The following DOCK9 variants were observed in gnomAD, a reference collection of about 807,000 sequenced individuals.
DOCK9 encodes the protein dedicator of cytokinesis 9.
In DOCK9, 89 loss-of-function variants were observed where a neutral mutation model predicts 263.3. That is an observed-to-expected ratio of 0.34 (90% CI 0.28 to 0.40). The LOEUF (loss-of-function observed/expected upper bound fraction) is 0.40. Among genes scored for constraint, DOCK9 ranks in the 10% least tolerant of loss-of-function variants. The probability of loss-of-function intolerance (pLI) is 1.00; values close to 1 mark genes in which losing one functional copy is unlikely to be tolerated. For synonymous variants in DOCK9, 976 were observed against 973.1 expected (o/e 1.00, Z -0.06); for missense variants, 2,140 against 2,603.4 (o/e 0.82, Z 3.87).
rs542623133 is a variant in DOCK9, at chr13:99,045,049, C to T, written c.129+41174G>A. Among the ~76,000 whole-genome samples, 4 of 152,328 alleles carry T rather than the reference C, an allele frequency of 2.6e-5. No homozygotes were observed. In the East Asian group the frequency reaches 7.7e-4, roughly 29 times the overall value. ...GTGGTGGAAAGGGAATCCCTGCATG[C>T]TGTTTGTGGGACTGTAAATTAGTGA... On this transcript the variant is annotated intron_variant, in intron 1 of 32. Coordinates refer to the DOCK9 transcript ENST00000427887.
intron 9 of DOCK9, among the ~76,000 whole-genome samples, chr13:98,905,621 G>A (rs142230130): frequency 6.6e-6 from 1 of 152,162 alleles, no homozygotes; most frequent in Non-Finnish European, 1.5e-5. Context: ...AATGAGTCTG[G>A]GATTTGAATG....
In DOCK9 at chr13:98,888,390, C is replaced by T. The variant is rs2046124797; in HGVS notation, c.1947G>A (p.Leu649=). ...CAAAAGACTTCTGACTGTCGTATTT[C>T]AAGTACTTAGGATAAACGTAAAGGT... The part of the protein sequence containing the change: ...TNHLYVYPKY[L]KYDSQKSFAK... Residue 649 remains leucine, a synonymous_variant, in exon 17 of 53, where the codon TTG becomes TTA. Coordinates refer to ENST00000682017, the MANE Select transcript of DOCK9 (RefSeq NM_001366683.2). 1.2e-6 allele frequency: 2 copies of T among 1,613,768 alleles called. No individual in the cohort carries two copies.
At chr13:98,991,507 A>G (rs1260418631) in intron 1 of DOCK9, among the ~76,000 whole-genome samples, 1 of 152,198 alleles carries the variant, frequency 6.6e-6, no homozygotes, top group Non-Finnish European at 1.5e-5. Context: ...TGGGTTTCAA[A>G]GACTCTGTGT....
chr13:99,013,785 A>C (rs1884936698), intron 1 of DOCK9, among the ~76,000 whole-genome samples: 1 of 152,196 alleles, frequency 6.6e-6, no homozygotes, highest in African/African-American at 2.4e-5. Flanking sequence ...AGGCTGCTGT[A>C]AAGATTCTGC....
chr13:99,015,134 A>G (rs751439704), intron 1 of DOCK9, among the ~76,000 whole-genome samples: 10 of 152,202 alleles, frequency 6.6e-5, no homozygotes, highest in Non-Finnish European at 1.3e-4. Context: ...TACCCTAAAT[A>G]TACACTTTAC....
chr13:98,899,370 C>T (rs1422878148), intron 13 of DOCK9, among the ~76,000 whole-genome samples: 1 of 152,204 alleles, frequency 6.6e-6, no homozygotes, highest in Non-Finnish European at 1.5e-5. Context: ...CTCTGAGCTC[C>T]ACTATCCACA....
intron 1 of DOCK9, among the ~76,000 whole-genome samples, chr13:99,007,244 TG>T (rs1235673697): frequency 6.6e-6 from 1 of 150,450 alleles, no homozygotes; most frequent in African/African-American, 2.5e-5. Flanking sequence ...AAAAATTAGC[TG>T]GGTGTGGTGG....
At chr13:99,066,553 T>A (rs2041427197) in intron 1 of DOCK9, among the ~76,000 whole-genome samples, 1 of 152,200 alleles carries the variant, frequency 6.6e-6, no homozygotes, top group African/African-American at 2.4e-5. Context: ...CTATATTATT[T>A]AACAAGCTTA....
rs780710684 is a variant in DOCK9, at chr13:98,793,432, T to C, written c.*1194A>G. 3.9e-5 allele frequency: 6 copies of C among 152,362 alleles called. No individual in the cohort carries two copies. Among genetic ancestry groups the C allele is most frequent in the Non-Finnish European group, 5.9e-5 (4 of 68,042 alleles). 9.4% of individuals were successfully genotyped at this position (152,362 alleles called of 1,614,324 possible). A position where few individuals can be genotyped will look rare whatever the true frequency, so the allele number is the denominator to read the frequency against. ...CCCGTGTGATTTCACTCTGAGGATTTTGGTATCCTGTTCCCTTAGGACTGC... is the reference window on the plus strand; with the variant it reads ...CCCGTGTGATTTCACTCTGAGGATTCTGGTATCCTGTTCCCTTAGGACTGC... On this transcript the variant is annotated 3_prime_UTR_variant, in exon 53 of 53. Coordinates refer to ENST00000682017, the MANE Select transcript of DOCK9 (RefSeq NM_001366683.2).
intron 1 of DOCK9, among the ~76,000 whole-genome samples, chr13:99,036,050 C>T (rs567802008): frequency 7.9e-5 from 12 of 152,298 alleles, no homozygotes; most frequent in African/African-American, 2.6e-4. Context: ...CCTGCCTACC[C>T]TAGCCTCGCA....
chr13:98,807,338 C>T (rs1453359809), intron 48 of DOCK9, among the ~76,000 whole-genome samples: 1 of 152,194 alleles, frequency 6.6e-6, no homozygotes, highest in Non-Finnish European at 1.5e-5. Context: ...GTGCTACATG[C>T]AGGAAGAGGT....
Position 98,829,217 on chromosome 13 carries a change from G to T in DOCK9, c.4965+90C>A. On this transcript the variant is annotated intron_variant, in intron 43 of 52. Coordinates refer to ENST00000682017, the MANE Select transcript of DOCK9 (RefSeq NM_001366683.2). This position sits in a 1 kb window ranked among gnomAD's most constrained non-coding sequence, Gnocchi z 4.1. ...ACTTTTAATTGGTTTTTGATTAATGGAATAACTTTTCTCAAAACTGGCTTT... is the reference window on the plus strand; with the variant it reads ...ACTTTTAATTGGTTTTTGATTAATGTAATAACTTTTCTCAAAACTGGCTTT... 8.2e-7 allele frequency: 1 copy of T among 1,215,124 alleles called. No individual in the cohort carries two copies. Among genetic ancestry groups the T allele is most frequent in the South Asian group, 1.5e-5 (1 of 67,814 alleles). 75.3% of individuals were successfully genotyped at this position (1,215,124 alleles called of 1,614,324 possible).
intron 1 of DOCK9, among the ~76,000 whole-genome samples, chr13:99,041,573 AG>A (rs1029104854): frequency 6.6e-6 from 1 of 152,194 alleles, no homozygotes; most frequent in African/African-American, 2.4e-5. Context: ...TGCAGGCCAC[AG>A]GGTTCCTGAA....
intron 1 of DOCK9, among the ~76,000 whole-genome samples, chr13:99,042,818 C>CA (rs546005336): frequency 3.7e-4 from 56 of 152,278 alleles, no homozygotes; most frequent in African/African-American, 1.2e-3. Flanking sequence ...AGCACAAAAG[C>CA]CCTCTAGCAT....
chr13:98,894,961 A>AG (rs1316021542), intron 15 of DOCK9, among the ~76,000 whole-genome samples: 23 of 107,906 alleles, frequency 2.1e-4, no homozygotes, highest in African/African-American at 7.3e-4. Flanking sequence ...AAAATACAAA[A>AG]AAAAAAAAAA....
At chr13:98,959,523 C>T (rs1273897881) in intron 1 of DOCK9, 2 of 152,300 alleles carry the variant, frequency 1.3e-5, no homozygotes, top group African/African-American at 4.8e-5. Context: ...CTGGGAGTGG[C>T]TCACCTGCTG....
intron 14 of DOCK9, 81 bp downstream of exon 14, chr13:98,898,098 G>T: frequency 1.0e-6 from 1 of 968,324 alleles, no homozygotes; most frequent in Non-Finnish European, 1.6e-6. Context: ...CTTTGTCTCT[G>T]AACAACAAAC....
intron 27 of DOCK9, among the ~76,000 whole-genome samples, chr13:98,869,533 T>A (rs771372124): frequency 1.3e-5 from 2 of 152,228 alleles, no homozygotes; most frequent in Non-Finnish European, 2.9e-5. Flanking sequence ...GGATGCTCCA[T>A]TACATTGATC....
chr13:98,877,166 A>T lies in DOCK9; in HGVS notation c.2943+2732T>A, dbSNP rs549635814. Among the ~76,000 whole-genome samples the T allele has an allele frequency of 2.0e-5, 3 of 152,300 alleles. No individual in the cohort carries two copies. In the South Asian group the frequency reaches 6.2e-4, roughly 32 times the overall value. On this transcript the variant is annotated intron_variant, in intron 27 of 52. Coordinates refer to ENST00000682017, the MANE Select transcript of DOCK9 (RefSeq NM_001366683.2). ...GAGAGGCCCACTGGGACTCTGCCACAAGTTCTTGGCTCTGCTCAGTTGTGT... is the reference window on the plus strand; with the variant it reads ...GAGAGGCCCACTGGGACTCTGCCACTAGTTCTTGGCTCTGCTCAGTTGTGT...
Sources: allele counts gnomAD v4.1 joint callset (sites outside exome capture counted in the v4.1 genomes callset), GRCh38; gene constraint gnomAD v4.1.1; non-coding constraint Gnocchi (gnomAD v3.1); transcripts MANE v1.5; gene names NCBI Gene and HGNC (gene_info 2026-07-23, HGNC 2026-07-21).